Variants in FAAP20 observed in about 807,000 individuals in gnomAD.
The protein encoded by FAAP20 is FA core complex associated protein 20.
Under a neutral mutation model 16.2 loss-of-function variants are expected in FAAP20, and 12 were observed. The ratio of observed to expected loss-of-function variants is 0.74; its 90% confidence interval spans 0.48 to 1.20. The LOEUF (loss-of-function observed/expected upper bound fraction) is 1.20, where lower values mean the gene tolerates loss of function less well. Ranked by LOEUF, FAAP20 falls within the 50% of genes most tolerant of loss-of-function variation. FAAP20 has a pLI of 0.00. For missense variants in FAAP20, 288 were observed against 245.8 expected, an observed-to-expected ratio of 1.17 and a Z score of -1.15; for synonymous variants, 141 against 110.7, an observed-to-expected ratio of 1.27 and a Z score of -1.72.
rs1172337236 is a variant in FAAP20, at chr1:2,193,824, C to A, written c.285G>T (p.Trp95Cys). ...FSWTPFPPDL[W>C]GPGRSYRLLH... ...GCAGCCGGTAGGAACGGCCCGGGCC[C>A]CACAGGTCCGGCGGAAAGGGTGTCC... is the stretch of plus-strand genomic sequence containing the variant. Residue 95 changes from tryptophan to cysteine, a missense_variant, in exon 3 of 4, where the codon TGG (tryptophan) becomes TGT (cysteine). Trp to Cys is a radical substitution (Grantham distance 215). Transcript: ENST00000378546. 6.2e-7 allele frequency: 1 copy of A among 1,611,072 alleles called. No individual in the cohort carries two copies. The highest frequency in any genetic ancestry group is 1.7e-5 in the Admixed American group (1 of 59,338).
chr1:2,189,020 A>AAC (rs1234169601), downstream of FAAP20, among the ~76,000 whole-genome samples: 202 of 145,438 alleles, frequency 1.4e-3, no homozygotes, highest in Non-Finnish European at 2.4e-3. Context: ...AGAAAAAAAA[A>AAC]AAAAAAAACA....
At chr1:2,212,681 C>T, upstream of FAAP20, 1 of 287,866 alleles carries the variant, frequency 3.5e-6, no homozygotes, top group South Asian at 3.0e-5. Context: ...GGTGTAAGTT[C>T]CAAGAACGCG....
At chr1:2,197,946 AG>A, upstream of FAAP20, 1 of 1,255,934 alleles carries the variant, frequency 8.0e-7, no homozygotes, top group South Asian at 1.3e-5. Context: ...AGGGCCTGGA[AG>A]GGGACCGGCC....
chr1:2,208,799 T>C (rs1283405530), downstream of FAAP20, among the ~76,000 whole-genome samples: 1 of 152,180 alleles, frequency 6.6e-6, no homozygotes, highest in Admixed American at 6.5e-5. Flanking sequence ...AGCCAGTCAC[T>C]CCAGCTCTGT....
chr1:2,199,670 C>T (rs1044144980), upstream of FAAP20: 22 of 977,618 alleles, frequency 2.3e-5, no homozygotes, highest in Non-Finnish European at 2.6e-5. The surrounding 1 kb of genome is among the most constrained non-coding windows in gnomAD (Gnocchi z 4.5). Context: ...CCACCAGTAC[C>T]TGAGAAAGTG....
upstream of FAAP20, chr1:2,199,248 C>T: frequency 8.7e-7 from 1 of 1,147,136 alleles, no homozygotes; most frequent in Non-Finnish European, 1.1e-6. This position sits in a 1 kb window ranked among gnomAD's most constrained non-coding sequence, Gnocchi z 4.5. Context: ...CCCCTTCAAG[C>T]AGTATCCGGT....
chr1:2,207,404 C>A (rs2100762037), downstream of FAAP20, among the ~76,000 whole-genome samples: 1 of 152,350 alleles, frequency 6.6e-6, no homozygotes, highest in South Asian at 2.1e-4. Flanking sequence ...AGTGAGCCCG[C>A]AAGGTCAGGG....
At chr1:2,190,637 G>A in intron 3 of FAAP20, 1 of 348,064 alleles carries the variant, frequency 2.9e-6, no homozygotes, top group Non-Finnish European at 5.8e-6. Flanking sequence ...AGAGCTGCCG[G>A]GGACGATGTC....
chr1:2,203,583 G>T, upstream of FAAP20: 1 of 986,130 alleles, frequency 1.0e-6, no homozygotes, highest in Middle Eastern at 5.2e-4. Flanking sequence ...AGCTGGGGCA[G>T]GTCCCACATT....
downstream of FAAP20, chr1:2,184,903 CT>C (rs765841611): frequency 1.4e-5 from 23 of 1,609,148 alleles, no homozygotes; most frequent in South Asian, 1.2e-4. Context: ...CCCCTCCCCC[CT>C]GCCACCTTTG....
downstream of FAAP20, among the ~76,000 whole-genome samples, chr1:2,187,690 CCCTGCCCTGCCCGT>C (rs962948112): frequency 1.3e-5 from 2 of 152,214 alleles, no homozygotes; most frequent in African/African-American, 4.8e-5. Flanking sequence ...GTCCCCATGC[CCCTGCCCTGCCCGT>C]CCTGCCCTGC....
rs754475289 is a variant in FAAP20, at chr1:2,194,087, C to T, written c.109G>A (p.Glu37Lys). Residue 37 changes from glutamate (E) to lysine (K), a missense_variant, in exon 2 of 4, where the codon GAG (glutamate) becomes AAG (lysine). Transcript: ENST00000378546. ...CGCAGTAGCTCGGCCCAGAGCCGCTCCCGCTCATCACCCCCCAGGAGAAAC... is the reference window on the plus strand; with the variant it reads ...CGCAGTAGCTCGGCCCAGAGCCGCTTCCGCTCATCACCCCCCAGGAGAAAC... The part of the protein sequence containing the change: ...PWFLLGGDER[E>K]RLWAELLRTV... The T allele has an allele frequency of 5.0e-6, 8 of 1,612,540 alleles. No individual in the cohort carries two copies. The South Asian group carries it at 7.7e-5, about 15-fold the overall frequency.
intron 3 of FAAP20, among the ~76,000 whole-genome samples, chr1:2,205,733 C>T (rs1235119369): frequency 6.6e-6 from 1 of 152,252 alleles, no homozygotes; most frequent in Non-Finnish European, 1.5e-5. Context: ...CGCCGCAGGC[C>T]TCAGTGGCGC....
chr1:2,199,331 A>C (rs1271671634), upstream of FAAP20: 1 of 1,030,724 alleles, frequency 9.7e-7, no homozygotes, highest in African/African-American at 1.7e-5. The surrounding 1 kb of genome is among the most constrained non-coding windows in gnomAD (Gnocchi z 4.5). Context: ...GCCCCCACCC[A>C]GGGGCGGGCT....
chr1:2,193,838 GA>G lies in FAAP20; in HGVS notation c.270del (p.Pro91ArgfsTer68). On this transcript the variant is annotated frameshift_variant, in exon 3 of 4. Transcript: ENST00000378546. LOFTEE classifies it high-confidence loss of function. ...CGGCCCGGGCCCCACAGGTCCGGCGGAAAGGGTGTCCAGGAAAAGGTCTTGG... is the reference window on the plus strand; with the variant it reads ...CGGCCCGGGCCCCACAGGTCCGGCGGAAGGGTGTCCAGGAAAAGGTCTTGG... ...VGPKTFSWTPFPPDLWGPGRS... is the reference protein window; with the variant it reads ...VGPKTFSWTPXPPDLWGPGRS... 6.2e-7 allele frequency: 1 copy of G among 1,612,018 alleles called. No homozygotes were observed. Among genetic ancestry groups the G allele is most frequent in the African/African-American group, 1.3e-5 (1 of 74,986 alleles).
chr1:2,199,689 C>G (rs749709481), upstream of FAAP20: 5 of 950,884 alleles, frequency 5.3e-6, no homozygotes, highest in Non-Finnish European at 6.3e-6. The surrounding 1 kb of genome is among the most constrained non-coding windows in gnomAD (Gnocchi z 4.5). Context: ...TGGCCTCGCT[C>G]GGAAGCAAGG....
chr1:2,184,757 G>A (rs1033256695), downstream of FAAP20: 26 of 1,510,004 alleles, frequency 1.7e-5, no homozygotes, highest in South Asian at 5.9e-5. Context: ...ATGGCAGGCC[G>A]GCACCTTGGG....
chr1:2,204,805 G>A (rs1246728500), upstream of FAAP20, among the ~76,000 whole-genome samples: 4 of 152,098 alleles, frequency 2.6e-5, no homozygotes, highest in African/African-American at 9.7e-5. Context: ...TCCCGCCGCC[G>A]GCTCACCCCA....
chr1:2,204,112 G>A (rs1263426971), upstream of FAAP20, among the ~76,000 whole-genome samples: 1 of 152,250 alleles, frequency 6.6e-6, no homozygotes, highest in African/African-American at 2.4e-5. Flanking sequence ...CTTCTCAGAT[G>A]TGAAAGCCCC....
Sources: allele counts gnomAD v4.1 joint callset (sites outside exome capture counted in the v4.1 genomes callset), GRCh38; gene constraint gnomAD v4.1.1; non-coding constraint Gnocchi (gnomAD v3.1); transcripts MANE v1.5; gene names NCBI Gene and HGNC (gene_info 2026-07-23, HGNC 2026-07-21).